CTPS2: variants seen among roughly 807,000 people sequenced by gnomAD.
CTPS2 encodes the protein CTP synthase 2.
CTPS2 carries 19 observed loss-of-function variants against 46.8 expected under a neutral mutation model. The ratio of observed to expected loss-of-function variants is 0.41; its 90% CI spans 0.28 to 0.60. The LOEUF is 0.60. CTPS2 is among the 20% of genes least tolerant of loss of function. CTPS2 has a pLI of 0.35. For synonymous variants in CTPS2, 151 were observed against 165.2 expected, an observed-to-expected ratio of 0.91 and a Z score of 0.66; for missense variants, 286 against 447.6, an observed-to-expected ratio of 0.64 and a Z score of 3.26.
intron 4 of CTPS2, among the ~76,000 whole-genome samples, chrX:16,694,162 T>C (rs1429056254): frequency 2.7e-5 from 3 of 111,490 alleles, no homozygotes; most frequent in Admixed American, 1.9e-4. Flanking sequence ...AGACTCCATC[T>C]CAAAACAAAA....
intron 17 of CTPS2, among the ~76,000 whole-genome samples, chrX:16,604,646 A>C (rs776788212): frequency 4.2e-4 from 47 of 112,106 alleles, no homozygotes; most frequent in African/African-American, 1.4e-3. Flanking sequence ...GAGAAACAAA[A>C]AAAAAAAAAA....
At chrX:16,693,013 C>T (rs956026551) in intron 6 of CTPS2, 128 bp downstream of exon 6, 14 of 492,958 alleles carry the variant, frequency 2.8e-5, no homozygotes, top group Non-Finnish European at 4.2e-5. Flanking sequence ...GCCAAGACTG[C>T]ACCACTGCAC....
intron 17 of CTPS2, among the ~76,000 whole-genome samples, chrX:16,601,572 C>CGG (rs5901589): frequency 8.5e-5 from 6 of 70,641 alleles, no homozygotes; most frequent in Admixed American, 1.6e-4. Flanking sequence ...GGGAAGCCAT[C>CGG]GGGGGGGGGG....
At chrX:16,697,477 G>A (rs1924215776) in intron 4 of CTPS2, among the ~76,000 whole-genome samples, 1 of 93,169 alleles carries the variant, frequency 1.1e-5, no homozygotes, top group African/African-American at 4.2e-5. Flanking sequence ...ACAGGGTCTG[G>A]CTCCATCACC....
chrX:16,674,806 C>A (rs1475537137), intron 10 of CTPS2, among the ~76,000 whole-genome samples: 2 of 106,957 alleles, frequency 1.9e-5, no homozygotes, highest in East Asian at 6.0e-4. Flanking sequence ...CCACTGCACT[C>A]CAGCCTGGGC....
intron 4 of CTPS2, among the ~76,000 whole-genome samples, chrX:16,695,227 A>G (rs1924027905): frequency 9.0e-6 from 1 of 111,648 alleles, no homozygotes; most frequent in African/African-American, 3.3e-5. Context: ...GGTCAATAAT[A>G]GTGAATGCCA....
intron 13 of CTPS2, among the ~76,000 whole-genome samples, chrX:16,652,458 C>T (rs1207033414): frequency 8.9e-6 from 1 of 112,048 alleles, no homozygotes; most frequent in Admixed American, 9.5e-5. Context: ...CTCATTTTCT[C>T]ATAGTTGAAA....
intron 15 of CTPS2, 99 bp downstream of exon 15, chrX:16,620,178 C>A: frequency 1.4e-6 from 1 of 721,183 alleles, no homozygotes. Flanking sequence ...CTGTGAATAC[C>A]ACCAGGCTAG....
intron 4 of CTPS2, among the ~76,000 whole-genome samples, chrX:16,695,185 C>T (rs1924024666): frequency 9.0e-6 from 1 of 111,625 alleles, no homozygotes; most frequent in Non-Finnish European, 1.9e-5. Flanking sequence ...CCGTGTGCTT[C>T]CATCTTGTGT....
chrX:16,597,801 C>T (rs1329927628), intron 17 of CTPS2, among the ~76,000 whole-genome samples: 10 of 109,377 alleles, frequency 9.1e-5, no homozygotes, highest in Non-Finnish European at 1.1e-4. Context: ...GCCATTTTCA[C>T]GATATTGATT....
intron 3 of CTPS2, 44 bp from the exon 4 acceptor site, chrX:16,698,380 G>T: frequency 1.0e-6 from 1 of 954,783 alleles, no homozygotes; most frequent in Non-Finnish European, 1.5e-6. Context: ...CCATGCTCAT[G>T]AGAAAAGAAT....
chrX:16,669,182 G>A (rs774453603), intron 11 of CTPS2, among the ~76,000 whole-genome samples: 3 of 110,575 alleles, frequency 2.7e-5, no homozygotes, highest in East Asian at 5.8e-4. Flanking sequence ...CAGAGTGCTC[G>A]GTGATGAAGG....
rs1254227316 is a variant in CTPS2, at chrX:16,588,349, C to T, written c.*1468G>A. 8.9e-6 allele frequency: 1 copy of T among 112,092 alleles called. No homozygotes were observed. Among genetic ancestry groups the T allele is most frequent in the African/African-American group, 3.2e-5 (1 of 30,810 alleles). 9.2% of individuals were successfully genotyped at this position (112,092 alleles called of 1,213,427 possible). On this transcript the variant is annotated 3_prime_UTR_variant, in exon 19 of 19. Transcript: ENST00000359276. ...TGCAATCTTGGTTCCCTATTTGGATCTCCTAAGGCCAGTTCCTGGAATTGT... is the reference window on the plus strand; with the variant it reads ...TGCAATCTTGGTTCCCTATTTGGATTTCCTAAGGCCAGTTCCTGGAATTGT...
intron 13 of CTPS2, among the ~76,000 whole-genome samples, chrX:16,666,396 G>A (rs1921189269): frequency 8.9e-6 from 1 of 112,012 alleles, no homozygotes; most frequent in African/African-American, 3.3e-5. Context: ...TGAGATTCCA[G>A]GGGGAGAGGG....
chrX:16,595,190 C>T (rs1373960129), intron 17 of CTPS2, among the ~76,000 whole-genome samples: 1 of 111,799 alleles, frequency 8.9e-6, no homozygotes, highest in African/African-American at 3.3e-5. Flanking sequence ...CACACACACA[C>T]ACGTTTCTCA....
intron 14 of CTPS2, among the ~76,000 whole-genome samples, chrX:16,624,560 T>C (rs57320779): frequency 0.013 from 1,444 of 111,830 alleles, 19 homozygotes; most frequent in African/African-American, 0.044. Context: ...TACACCAACA[T>C]TGAAAGTGCA....
chrX:16,638,848 T>C (rs1172545244), intron 14 of CTPS2: 1 of 440,050 alleles, frequency 2.3e-6, no homozygotes, highest in Non-Finnish European at 4.4e-6. Flanking sequence ...TCCAAGTTCA[T>C]CTCCAGGAGC....
intron 17 of CTPS2, among the ~76,000 whole-genome samples, chrX:16,600,895 A>G (rs1281838727): frequency 1.8e-5 from 2 of 112,043 alleles, no homozygotes; most frequent in Non-Finnish European, 3.8e-5. Flanking sequence ...TTTTGATAGC[A>G]GTTGAGTTTA....
At chrX:16,639,333 G>A (rs1931928476) in intron 13 of CTPS2, 90 bp from the exon 14 acceptor site, 1 of 642,971 alleles carries the variant, frequency 1.6e-6, no homozygotes, top group African/African-American at 2.2e-5. Flanking sequence ...ATGATCATTG[G>A]GTAAGCATGG....
Sources: allele counts gnomAD v4.1 joint callset (sites outside exome capture counted in the v4.1 genomes callset), GRCh38; gene constraint gnomAD v4.1.1; transcripts MANE v1.5; gene names NCBI Gene and HGNC (gene_info 2026-07-23, HGNC 2026-07-21).